Variants in RAB27A observed in about 807,000 individuals in gnomAD.
The protein encoded by RAB27A is ras-related protein Rab-27A.
Under a neutral mutation model 20.8 loss-of-function variants are expected in RAB27A, and 17 were observed. The observed-to-expected ratio is 0.82, with a 90% CI of 0.56 to 1.23. The LOEUF is 1.23. Among genes scored for constraint, RAB27A ranks in the 50% most tolerant of loss-of-function variants. The probability of loss-of-function intolerance (pLI) is 0.00; values close to 1 mark genes in which losing one functional copy is unlikely to be tolerated. For missense variants in RAB27A, 277 were observed against 266.7 expected, an observed-to-expected ratio of 1.04 and a Z score of -0.27; for synonymous variants, 85 against 92.8, an observed-to-expected ratio of 0.92 and a Z score of 0.48.
chr15:55,246,049 G>C (rs750813838), intron 2 of RAB27A, among the ~76,000 whole-genome samples: 6 of 151,754 alleles, frequency 4.0e-5, no homozygotes, highest in Non-Finnish European at 5.9e-5. Flanking sequence ...CTCCAGCCTG[G>C]GCGACAGAGT....
intron 6 of RAB27A, among the ~76,000 whole-genome samples, chr15:55,212,371 C>T (rs1413892305): frequency 6.6e-6 from 1 of 152,058 alleles, no homozygotes; most frequent in Admixed American, 6.6e-5. Context: ...AAATCTTATG[C>T]ACTGTACAAG....
intron 2 of RAB27A, among the ~76,000 whole-genome samples, chr15:55,313,831 G>T (rs2055031210): frequency 6.6e-6 from 1 of 152,144 alleles, no homozygotes; most frequent in Non-Finnish European, 1.5e-5. Context: ...AACTTAGCCG[G>T]GAGTGGTGGC....
chr15:55,243,322 G>A (rs1326737502), intron 2 of RAB27A, among the ~76,000 whole-genome samples: 5 of 151,926 alleles, frequency 3.3e-5, no homozygotes, highest in Admixed American at 1.3e-4. Flanking sequence ...AGAATTGCTC[G>A]GCCCCGTTTT....
chr15:55,247,204 G>T (rs1006520042), intron 2 of RAB27A, among the ~76,000 whole-genome samples: 1 of 152,110 alleles, frequency 6.6e-6, no homozygotes, highest in Non-Finnish European at 1.5e-5. Flanking sequence ...AGTCCAACTG[G>T]TAAGTACAGG....
chr15:55,218,510 G>T (rs1197715583), intron 6 of RAB27A, among the ~76,000 whole-genome samples: 1 of 152,220 alleles, frequency 6.6e-6, no homozygotes, highest in Non-Finnish European at 1.5e-5. Flanking sequence ...AGAGAAAACA[G>T]TGAGCATGCT....
At chr15:55,319,009 CA>C in exon 1 of RAB27A, 1 of 485,376 alleles carries the variant, frequency 2.1e-6, no homozygotes, top group South Asian at 2.9e-5. Context: ...GGCCTTCCAG[CA>C]GTTTTCGGAC....
chr15:55,261,034 G>A (rs1897250584), intron 2 of RAB27A, among the ~76,000 whole-genome samples: 1 of 151,914 alleles, frequency 6.6e-6, no homozygotes, highest in East Asian at 1.9e-4. Flanking sequence ...GGGGGTTTGG[G>A]AGGGAAGGGA....
intron 2 of RAB27A, among the ~76,000 whole-genome samples, chr15:55,313,764 G>A (rs1386569337): frequency 6.6e-6 from 1 of 152,122 alleles, no homozygotes; most frequent in African/African-American, 2.4e-5. Context: ...ACGAGGTCAG[G>A]AGATCAAGAC....
intron 2 of RAB27A, among the ~76,000 whole-genome samples, chr15:55,294,980 A>G (rs537723798): frequency 1.1e-4 from 17 of 152,338 alleles, no homozygotes; most frequent in African/African-American, 3.6e-4. Flanking sequence ...AAGAGCTGTA[A>G]CTACTCAACA....
At chr15:55,311,817 C>T (rs917059989) in intron 2 of RAB27A, among the ~76,000 whole-genome samples, 1 of 152,130 alleles carries the variant, frequency 6.6e-6, no homozygotes, top group Non-Finnish European at 1.5e-5. Flanking sequence ...ATCTCAGGGG[C>T]GTTTCTGCCT....
At chr15:55,302,736 G>T (rs1482698533) in intron 2 of RAB27A, among the ~76,000 whole-genome samples, 3 of 122,682 alleles carry the variant, frequency 2.4e-5, no homozygotes, top group Non-Finnish European at 4.9e-5. Context: ...GCCCCATCTG[G>T]GATGTGAGGA....
At chr15:55,244,314 C>CA (rs1277132961) in intron 2 of RAB27A, among the ~76,000 whole-genome samples, 1 of 151,672 alleles carries the variant, frequency 6.6e-6, no homozygotes, top group Non-Finnish European at 1.5e-5. Flanking sequence ...GACTCCATCT[C>CA]AAAAAAACAA....
At chr15:55,237,700 T>C (rs1007271477) in intron 2 of RAB27A, among the ~76,000 whole-genome samples, 6 of 152,300 alleles carry the variant, frequency 3.9e-5, no homozygotes, top group South Asian at 2.1e-4. Flanking sequence ...TTGACTCATT[T>C]GAGGGCTTCC....
chr15:55,284,009 C>T (rs956236844), intron 1 of RAB27A, among the ~76,000 whole-genome samples: 1 of 152,094 alleles, frequency 6.6e-6, no homozygotes, highest in East Asian at 1.9e-4. Context: ...TTTTCAGTCT[C>T]GTGGCAACCA....
At chr15:55,316,234 C>CAAAA (rs1186678422) in intron 1 of RAB27A, among the ~76,000 whole-genome samples, 1 of 53,912 alleles carries the variant, frequency 1.9e-5, no homozygotes, top group African/African-American at 6.2e-5. Context: ...GACTCCGTCT[C>CAAAA]AAAAAAAAAA....
chr15:55,312,077 T>C (rs2055023338), intron 2 of RAB27A, among the ~76,000 whole-genome samples: 2 of 152,314 alleles, frequency 1.3e-5, no homozygotes, highest in South Asian at 4.1e-4. Flanking sequence ...GTGACTAGTG[T>C]TCAGCTCGAT....
intron 6 of RAB27A, among the ~76,000 whole-genome samples, chr15:55,214,465 T>C (rs1895187605): frequency 6.6e-6 from 1 of 152,198 alleles, no homozygotes; most frequent in African/African-American, 2.4e-5. Context: ...CAAAAACTGG[T>C]TGAGAAACTA....
intron 2 of RAB27A, among the ~76,000 whole-genome samples, chr15:55,241,557 C>T (rs1371002240): frequency 1.4e-5 from 2 of 146,010 alleles, no homozygotes; most frequent in South Asian, 2.1e-4. Context: ...GATGGCTTGA[C>T]GTCAGGAGTT....
intron 6 of RAB27A, among the ~76,000 whole-genome samples, chr15:55,212,616 G>A (rs1289783429): frequency 2.7e-5 from 4 of 147,942 alleles, no homozygotes; most frequent in Admixed American, 6.8e-5. Context: ...TGCAAGCTCC[G>A]CCTCCCGGGC....
Sources: gnomAD v4.1 joint callset for allele counts (sites outside exome capture counted in the v4.1 genomes callset) on GRCh38, gnomAD v4.1.1 for gene constraint, MANE v1.5 for transcripts, NCBI Gene and HGNC (gene_info 2026-07-23, HGNC 2026-07-21) for gene names.